CCNY: variants seen among roughly 807,000 people sequenced by gnomAD.
CCNY encodes cyclin Y, also known as cyclin-Y.
In CCNY, 19 loss-of-function variants were observed where a neutral mutation model predicts 42.8. The observed-to-expected ratio is 0.44, with a 90% CI of 0.31 to 0.65. The LOEUF is 0.65. Ranked by LOEUF, CCNY falls within the 30% of genes least tolerant of loss-of-function variation. CCNY has a pLI of 0.07. For synonymous variants in CCNY, 165 were observed against 162.7 expected (o/e 1.01, Z -0.11); for missense variants, 370 against 437.3 (o/e 0.85, Z 1.37).
chr10:35,303,726 G>A (rs1250276142), intron 3 of CCNY, among the ~76,000 whole-genome samples: 4 of 135,130 alleles, frequency 3.0e-5, no homozygotes, highest in East Asian at 4.6e-4. Context: ...GCGGTGAGCC[G>A]AGATCGTACC....
chr10:35,494,429 C>A (rs1282047821), intron 2 of CCNY, among the ~76,000 whole-genome samples: 1 of 152,108 alleles, frequency 6.6e-6, no homozygotes, highest in Non-Finnish European at 1.5e-5. Context: ...ACGTCACCTC[C>A]ACCATGTGTC....
chr10:35,422,223 A>G (rs1838174497), intron 1 of CCNY, among the ~76,000 whole-genome samples: 1 of 152,122 alleles, frequency 6.6e-6, no homozygotes, highest in Non-Finnish European at 1.5e-5. Flanking sequence ...ACATTATTCT[A>G]TATTCTTGCT....
intron 4 of CCNY, among the ~76,000 whole-genome samples, chr10:35,521,088 T>A (rs746084747): frequency 2.6e-5 from 4 of 152,244 alleles, no homozygotes; most frequent in Non-Finnish European, 4.4e-5. Flanking sequence ...CATTGCTAAT[T>A]TAGCTCTGGG....
At chr10:35,468,824 A>C (rs1241095746) in intron 1 of CCNY, among the ~76,000 whole-genome samples, 1 of 152,200 alleles carries the variant, frequency 6.6e-6, no homozygotes, top group African/African-American at 2.4e-5. Flanking sequence ...ACCACATTAG[A>C]GATACAGACA....
chr10:35,470,695 CTGT>C (rs1196157216), intron 1 of CCNY, among the ~76,000 whole-genome samples: 1 of 152,318 alleles, frequency 6.6e-6, no homozygotes, highest in South Asian at 2.1e-4. Context: ...ACAGCAGGAG[CTGT>C]TGTTCTCGTG....
At chr10:35,499,617 G>T (rs1052215997) in intron 2 of CCNY, among the ~76,000 whole-genome samples, 1 of 152,160 alleles carries the variant, frequency 6.6e-6, no homozygotes, top group African/African-American at 2.4e-5. Flanking sequence ...ATTTTTTGAG[G>T]CATGGATATC....
At chr10:35,501,010 A>C (rs1840100429) in intron 2 of CCNY, among the ~76,000 whole-genome samples, 1 of 152,208 alleles carries the variant, frequency 6.6e-6, no homozygotes, top group South Asian at 2.1e-4. Flanking sequence ...AGCATGGAGA[A>C]TAATGGGTTT....
At chr10:35,559,885 G>T (rs1006012824) in intron 8 of CCNY, among the ~76,000 whole-genome samples, 2 of 152,252 alleles carry the variant, frequency 1.3e-5, no homozygotes, top group African/African-American at 4.8e-5. Flanking sequence ...CTACCTGGGG[G>T]TGGGTGATGG....
intron 3 of CCNY, among the ~76,000 whole-genome samples, chr10:35,512,618 GA>G (rs1446694285): frequency 6.6e-6 from 1 of 152,176 alleles, no homozygotes; most frequent in African/African-American, 2.4e-5. Flanking sequence ...AGCGAATTCA[GA>G]AAGACATTTT....
chr10:35,271,549 C>T (rs1320380632), intron 3 of CCNY, among the ~76,000 whole-genome samples: 1 of 152,200 alleles, frequency 6.6e-6, no homozygotes, highest in Admixed American at 6.5e-5. Flanking sequence ...AACTATTTTA[C>T]CAGAGCCTAA....
intron 1 of CCNY, among the ~76,000 whole-genome samples, chr10:35,426,064 C>T (rs940395778): frequency 6.7e-6 from 1 of 150,230 alleles, no homozygotes; most frequent in Admixed American, 6.7e-5. Flanking sequence ...GGGTTCCTGT[C>T]CAAATTAAAC....
chr10:35,419,923 AT>A (rs1218102375), intron 1 of CCNY, among the ~76,000 whole-genome samples: 3,930 of 135,582 alleles, frequency 0.029, 88 homozygotes, highest in African/African-American at 0.072. Flanking sequence ...TATGGCTGTA[AT>A]TTTTTTTTTT....
chr10:35,274,611 T>C (rs1214821828), intron 3 of CCNY, among the ~76,000 whole-genome samples: 1 of 152,152 alleles, frequency 6.6e-6, no homozygotes, highest in Non-Finnish European at 1.5e-5. Flanking sequence ...GTCATCAACA[T>C]AGAGGACCAA....
At chr10:35,345,466 CAA>C (rs568926736) in intron 1 of CCNY, among the ~76,000 whole-genome samples, 16 of 68,442 alleles carry the variant, frequency 2.3e-4, no homozygotes, top group Admixed American at 1.5e-3. Context: ...GACTCCATCT[CAA>C]AAAAAAAAAA....
At chr10:35,544,103 A>G (rs941112849) in intron 7 of CCNY, among the ~76,000 whole-genome samples, 2 of 152,242 alleles carry the variant, frequency 1.3e-5, no homozygotes, top group African/African-American at 2.4e-5. Flanking sequence ...TTATTATTAC[A>G]GAAAATCTTT....
intron 1 of CCNY, among the ~76,000 whole-genome samples, chr10:35,451,401 C>T (rs1412255830): frequency 1.3e-5 from 2 of 152,154 alleles, no homozygotes; most frequent in Non-Finnish European, 2.9e-5. Flanking sequence ...TTACCAAGTG[C>T]CTCTGACCAG....
intron 1 of CCNY, chr10:35,347,574 A>T: frequency 4.5e-6 from 1 of 223,358 alleles, no homozygotes; most frequent in Non-Finnish European, 7.5e-6. Flanking sequence ...GTCAATAAGG[A>T]AAAAGAGCAG....
chr10:35,484,334 T>C (rs762236055), intron 2 of CCNY, among the ~76,000 whole-genome samples: 18 of 152,210 alleles, frequency 1.2e-4, no homozygotes, highest in Non-Finnish European at 2.6e-4. Context: ...TAAATGAGAA[T>C]TGATAACACT....
At chr10:35,560,452 A>G (rs1046566768) in intron 8 of CCNY, among the ~76,000 whole-genome samples, 1 of 152,206 alleles carries the variant, frequency 6.6e-6, no homozygotes, top group Non-Finnish European at 1.5e-5. Flanking sequence ...AGAAGAGATC[A>G]GAACACAGGG....
Sources: gnomAD v4.1 joint callset for allele counts (sites outside exome capture counted in the v4.1 genomes callset) on GRCh38, gnomAD v4.1.1 for gene constraint, MANE v1.5 for transcripts, NCBI Gene and HGNC (gene_info 2026-07-23, HGNC 2026-07-21) for gene names.